Variants in FBXO11 observed in about 807,000 individuals in gnomAD.
FBXO11 encodes F-box protein 11, also known as F-box only protein 11.
In FBXO11, 13 loss-of-function variants were observed where a neutral mutation model predicts 117.0. That is an observed-to-expected ratio of 0.11 (90% CI 0.07 to 0.18). The LOEUF is 0.18. Among genes scored for constraint, FBXO11 ranks in the 10% least tolerant of loss-of-function variants. The pLI is 1.00. For missense variants in FBXO11, 767 were observed against 1,164.4 expected (o/e 0.66, Z 4.97); for synonymous variants, 490 against 380.5 (o/e 1.29, Z -3.35).
At chr2:47,844,695 C>T (rs1031782173) in intron 1 of FBXO11, among the ~76,000 whole-genome samples, 2 of 152,110 alleles carry the variant, frequency 1.3e-5, no homozygotes, top group African/African-American at 4.8e-5. Context: ...CTCTGTCACC[C>T]GGCTGGAGTG....
At chr2:47,816,106 C>T (rs917339021) in intron 16 of FBXO11, among the ~76,000 whole-genome samples, 1 of 152,202 alleles carries the variant, frequency 6.6e-6, no homozygotes, top group Admixed American at 6.5e-5. Flanking sequence ...TGCACCTCTG[C>T]CAGTACTACA....
rs573257209 is a variant in FBXO11, at chr2:47,879,380, G to C, written c.232+26109C>G. On this transcript the variant is annotated intron_variant, in intron 1 of 22. Coordinates refer to ENST00000403359, the MANE Select transcript of FBXO11 (RefSeq NM_001190274.2). ...ATTATCTCAATTTGTATTCTCAATA[G>C]CAGTGTATGAGCAGCTTTTCCCCCA... Among the ~76,000 whole-genome samples the C allele has an allele frequency of 3.0e-4, 46 of 152,318 alleles. 1 individual carries two copies. The South Asian group carries it at 9.3e-3, about 31-fold the overall frequency.
rs772265934 is a variant in FBXO11 at position 47,818,799 on chromosome 2, C to T, written c.1986G>A (p.Met662Ile). 6.3e-7 allele frequency: 1 copy of T among 1,588,508 alleles called. No individual in the cohort carries two copies. Among genetic ancestry groups the T allele is most frequent in the Non-Finnish European group, 8.5e-7 (1 of 1,173,144 alleles). ...TTTACCTTATCTGAACCCCTGAATA[C>T]ATATGATTATAGATATCATTGTCTT... ...VLEDNDIYNH[M>I]YSGVQIRTGS... is the part of the protein sequence containing the mutation. The change falls in exon 16 of 23, where the codon ATG becomes ATA. Residue 662 changes from methionine (M) to isoleucine (I), a missense_variant. Physicochemically the swap from Met to Ile is conservative, Grantham distance 10. Transcript: ENST00000403359.
At chr2:47,860,994 A>C (rs1212631035) in intron 1 of FBXO11, among the ~76,000 whole-genome samples, 2 of 151,752 alleles carry the variant, frequency 1.3e-5, no homozygotes, top group East Asian at 1.9e-4. Flanking sequence ...TTGCATTTTT[A>C]GTAAAGTCAC....
chr2:47,886,943 G>A (rs542960638), intron 1 of FBXO11, among the ~76,000 whole-genome samples: 46 of 152,270 alleles, frequency 3.0e-4, no homozygotes, highest in African/African-American at 1.1e-3. Context: ...AGAGGCAGAG[G>A]TTGAGGCTAC....
intron 1 of FBXO11, among the ~76,000 whole-genome samples, chr2:47,873,310 T>C (rs1675760607): frequency 6.6e-6 from 1 of 152,206 alleles, no homozygotes; most frequent in Non-Finnish European, 1.5e-5. Context: ...AAGCCTCAGC[T>C]TTCCGCCTTG....
At chr2:47,822,608 C>T (rs1671469373) in intron 12 of FBXO11, among the ~76,000 whole-genome samples, 1 of 152,122 alleles carries the variant, frequency 6.6e-6, no homozygotes, top group East Asian at 1.9e-4. Context: ...TCCATAAAGC[C>T]AATGGAAAAT....
chr2:47,859,554 T>A (rs1483687772), intron 1 of FBXO11, among the ~76,000 whole-genome samples: 1 of 152,214 alleles, frequency 6.6e-6, no homozygotes, highest in African/African-American at 2.4e-5. Flanking sequence ...CATAAATGGA[T>A]GAGACCTCAA....
At chr2:47,870,943 A>T (rs1260155178) in intron 1 of FBXO11, among the ~76,000 whole-genome samples, 1 of 152,222 alleles carries the variant, frequency 6.6e-6, no homozygotes, top group Non-Finnish European at 1.5e-5. Flanking sequence ...GGACATGCAC[A>T]TACTACTACT....
intron 11 of FBXO11, among the ~76,000 whole-genome samples, chr2:47,831,405 G>C (rs912636163): frequency 7.1e-6 from 1 of 140,978 alleles, no homozygotes; most frequent in African/African-American, 2.6e-5. Context: ...TGGGCAACAA[G>C]GGTGAAACTC....
At chr2:47,858,681 C>CAAAAAAAAAAAAAAAAAA (rs902232765) in intron 1 of FBXO11, among the ~76,000 whole-genome samples, 3 of 67,496 alleles carry the variant, frequency 4.4e-5, no homozygotes, top group Non-Finnish European at 8.6e-5. Context: ...GACTCTGCCT[C>CAAAAAAAAAAAAAAAAAA]AAAAAAAAAA....
intron 16 of FBXO11, among the ~76,000 whole-genome samples, chr2:47,817,897 C>T (rs1448250653): frequency 6.6e-6 from 1 of 152,192 alleles, no homozygotes; most frequent in Non-Finnish European, 1.5e-5. Flanking sequence ...CCTGTGATCC[C>T]AGCACTTTGG....
intron 2 of FBXO11, 42 bp downstream of exon 2, chr2:47,839,599 AT>A: frequency 6.2e-7 from 1 of 1,606,006 alleles, no homozygotes; most frequent in South Asian, 1.1e-5. Context: ...TTTCTTGAAA[AT>A]TCTTTCATTA....
chr2:47,881,962 G>C (rs934304311), intron 1 of FBXO11, among the ~76,000 whole-genome samples: 1 of 152,118 alleles, frequency 6.6e-6, no homozygotes, highest in African/African-American at 2.4e-5. Context: ...TGGCCAGGCT[G>C]GTCTTGAACT....
chr2:47,808,977 A>AC (rs1284659705), intron 21 of FBXO11, 181 bp downstream of exon 21: 9 of 489,144 alleles, frequency 1.8e-5, no homozygotes, highest in African/African-American at 1.8e-4. Flanking sequence ...GATTACAGGC[A>AC]TAAGCCACCA....
chr2:47,821,602 T>C (rs1182001983), intron 13 of FBXO11, among the ~76,000 whole-genome samples: 2 of 143,494 alleles, frequency 1.4e-5, no homozygotes, highest in Non-Finnish European at 3.0e-5. Context: ...AGAGAGAGAC[T>C]CCGTCTCAAA....
chr2:47,903,921 T>G (rs936958844), intron 1 of FBXO11, among the ~76,000 whole-genome samples: 1 of 152,194 alleles, frequency 6.6e-6, no homozygotes. Context: ...CCCAAAATGG[T>G]AAATGTATCA....
At chr2:47,867,386 C>G (rs1233081193) in intron 1 of FBXO11, among the ~76,000 whole-genome samples, 1 of 152,204 alleles carries the variant, frequency 6.6e-6, no homozygotes, top group Non-Finnish European at 1.5e-5. Context: ...TGGAAGTTCT[C>G]ATACTGGCAA....
intron 1 of FBXO11, among the ~76,000 whole-genome samples, chr2:47,904,848 G>C (rs906634141): frequency 1.3e-5 from 2 of 151,904 alleles, no homozygotes; most frequent in Non-Finnish European, 2.9e-5. Flanking sequence ...CCAGGGGTTC[G>C]TAACTAAAGA....
Sources: gnomAD v4.1 joint callset for allele counts (sites outside exome capture counted in the v4.1 genomes callset) on GRCh38, gnomAD v4.1.1 for gene constraint, MANE v1.5 for transcripts, NCBI Gene and HGNC (gene_info 2026-07-23, HGNC 2026-07-21) for gene names.